OPTN: variants seen among roughly 807,000 people sequenced by gnomAD.
The protein encoded by OPTN is E3-14.7K-interacting protein.
Under a neutral mutation model 70.4 loss-of-function variants are expected in OPTN, and 54 were observed. The observed-to-expected ratio is 0.77, with a 90% CI of 0.62 to 0.96. The LOEUF (loss-of-function observed/expected upper bound fraction) is 0.96. Among genes scored for constraint, OPTN ranks in the 40% least tolerant of loss-of-function variants. The pLI, the probability that OPTN is intolerant of heterozygous loss-of-function variation, is 0.00. For synonymous variants in OPTN, 256 were observed against 248.5 expected (o/e 1.03, Z -0.28); for missense variants, 624 against 673.2 (o/e 0.93, Z 0.81).
chr10:13,112,039 G>A (rs541131290), intron 4 of OPTN, among the ~76,000 whole-genome samples: 132 of 151,478 alleles, frequency 8.7e-4, no homozygotes, highest in Non-Finnish European at 1.6e-3. Context: ...TAGTAGAGAC[G>A]GGGTTTCACT....
chr10:13,134,752 C>T (rs983034079), intron 14 of OPTN, among the ~76,000 whole-genome samples: 2 of 151,666 alleles, frequency 1.3e-5, no homozygotes, highest in Admixed American at 6.6e-5. Flanking sequence ...GTAGAGACAG[C>T]GTTTCACCAT....
At chr10:13,128,896 T>C (rs1833531769) in intron 12 of OPTN, among the ~76,000 whole-genome samples, 1 of 152,116 alleles carries the variant, frequency 6.6e-6, no homozygotes, top group South Asian at 2.1e-4. Context: ...TACAAGTCTT[T>C]GTCAGTTATT....
At chr10:13,101,441 G>A (rs1052558851) in intron 1 of OPTN, among the ~76,000 whole-genome samples, 1 of 117,172 alleles carries the variant, frequency 8.5e-6, no homozygotes, top group East Asian at 2.5e-4. Context: ...TTATTCTCGA[G>A]GGCAACTGGA....
chr10:13,114,717 T>C (rs1390656887), intron 5 of OPTN, among the ~76,000 whole-genome samples: 1 of 136,390 alleles, frequency 7.3e-6, no homozygotes, highest in Non-Finnish European at 1.5e-5. Flanking sequence ...TATAATATAT[T>C]CTATAATATA....
chr10:13,102,900 G>C, intron 1 of OPTN, among the ~76,000 whole-genome samples: 1 of 151,840 alleles, frequency 6.6e-6, no homozygotes, highest in East Asian at 1.9e-4. Context: ...CTGAGATTTT[G>C]CCACGGCACT....
chr10:13,114,812 A>AC (rs1564358854), intron 5 of OPTN, among the ~76,000 whole-genome samples: 2 of 8,180 alleles, frequency 2.4e-4, no homozygotes, highest in Non-Finnish European at 6.1e-4. Context: ...ACATATATAT[A>AC]ATTATATAAT....
At chr10:13,122,522 C>T (rs1474064398) in intron 8 of OPTN, 35 bp downstream of exon 8, 2 of 1,360,266 alleles carry the variant, frequency 1.5e-6, no homozygotes, top group Non-Finnish European at 2.1e-6. Flanking sequence ...CTACCACACC[C>T]ACACACACGA....
chr10:13,119,878 T>A (rs1212044781), intron 7 of OPTN, among the ~76,000 whole-genome samples: 2 of 152,260 alleles, frequency 1.3e-5, no homozygotes, highest in African/African-American at 2.4e-5. Flanking sequence ...TGCCCATTTT[T>A]AAAAATTGGG....
intron 7 of OPTN, among the ~76,000 whole-genome samples, chr10:13,120,210 G>C (rs1833315500): frequency 6.6e-6 from 1 of 151,234 alleles, no homozygotes; most frequent in African/African-American, 2.4e-5. Flanking sequence ...GGATGGTCTC[G>C]ATCTCCTGAC....
intron 10 of OPTN, 101 bp downstream of exon 10, chr10:13,125,668 TTC>T (rs1157471054): frequency 2.0e-6 from 3 of 1,477,428 alleles, no homozygotes; most frequent in Non-Finnish European, 1.9e-6. Context: ...TTTAAAAAAT[TTC>T]TTTTTCACTT....
chr10:13,137,428 T>G lies in OPTN; in HGVS notation c.*562T>G, dbSNP rs148646641. 7.0e-3 allele frequency: 1,619 copies of G among 232,890 alleles called. 10 individuals are homozygous for G. Among genetic ancestry groups the G allele is most frequent in the Non-Finnish European group, 0.011 (1,286 of 117,208 alleles). 14.4% of individuals were successfully genotyped at this position (232,890 alleles called of 1,614,324 possible). A position where few individuals can be genotyped will look rare whatever the true frequency, so the allele number is the denominator to read the frequency against. ...TCTTCTGATAATAATTTTAATATTT[T>G]TTATGTTTGGTTGATGCGAGCAGCT... On this transcript the variant is annotated 3_prime_UTR_variant, in exon 15 of 15. Coordinates refer to ENST00000378747, the MANE Select transcript of OPTN (RefSeq NM_001008212.2).
chr10:13,113,579 C>A (rs538161567), intron 5 of OPTN, among the ~76,000 whole-genome samples: 3 of 152,288 alleles, frequency 2.0e-5, no homozygotes, highest in East Asian at 3.9e-4. Flanking sequence ...TGAGAAGCAT[C>A]TGTTACAACT....
In OPTN at chr10:13,132,007, C is replaced by T; in HGVS notation, c.1402-60C>T. 3 of 1,558,510 alleles carry T rather than the reference C, an allele frequency of 1.9e-6. No individual in the cohort carries two copies. The South Asian group carries it at 3.4e-5, about 17-fold the overall frequency. On this transcript the variant is annotated intron_variant, in intron 12 of 14. Coordinates refer to ENST00000378747, the MANE Select transcript of OPTN (RefSeq NM_001008212.2). Reference sequence around the variant, plus strand: ...CAGCACTACCTCCTCATCGCATAAACACTGTAAGAATCTGCATTCATCTAG... The same window carrying T: ...CAGCACTACCTCCTCATCGCATAAATACTGTAAGAATCTGCATTCATCTAG...
chr10:13,133,474 C>T (rs776520262), intron 13 of OPTN, 28 bp from the exon 14 acceptor site: 1 of 1,606,256 alleles, frequency 6.2e-7, no homozygotes, highest in South Asian at 1.1e-5. Flanking sequence ...TAGAACATCA[C>T]ACAGCGTGTT....
intron 10 of OPTN, 79 bp downstream of exon 10, chr10:13,125,646 T>A: frequency 6.4e-7 from 1 of 1,561,944 alleles, no homozygotes; most frequent in Non-Finnish European, 8.8e-7. Context: ...GAATTCGGAT[T>A]TGAGAATAAA....
chr10:13,110,284 G>C lies in OPTN; in HGVS notation c.177G>C (p.Lys59Asn), dbSNP rs1487584331. Reference sequence around the variant, plus strand: ...CTGAACCTCCTGCAGAAGCCATGAAGCTAAATAATCAAGCCATGAAAGGGA... The same window carrying C: ...CTGAACCTCCTGCAGAAGCCATGAACCTAAATAATCAAGCCATGAAAGGGA... ...TENHQLKEAM[K>N]LNNQAMKGRF... The change falls in exon 4 of 15, where the codon AAG becomes AAC. Residue 59 changes from lysine to asparagine, a missense_variant. Transcript: ENST00000378747. The C allele has an allele frequency of 8.1e-6, 13 of 1,613,802 alleles. No homozygotes were observed. Among genetic ancestry groups the C allele is most frequent in the Non-Finnish European group, 1.1e-5 (13 of 1,179,986 alleles).
At chr10:13,135,283 G>A (rs113365968) in intron 14 of OPTN, among the ~76,000 whole-genome samples, 3,164 of 152,206 alleles carry the variant, frequency 0.021, 47 homozygotes, top group Non-Finnish European at 0.033. Flanking sequence ...ATGGATCCAG[G>A]ACCTAGCTAG....
At chr10:13,115,395 GAT>G (rs1833156303) in intron 5 of OPTN, among the ~76,000 whole-genome samples, 1 of 94,590 alleles carries the variant, frequency 1.1e-5, no homozygotes, top group Non-Finnish European at 1.9e-5. Flanking sequence ...TTTTATAATA[GAT>G]ATATCTGTAT....
At position 13,133,576 on chromosome 10, in the gene OPTN, A is replaced by T; in HGVS notation, c.1607A>T (p.Gln536Leu). 4 of 1,613,930 alleles carry T rather than the reference A, an allele frequency of 2.5e-6. No homozygotes were observed. Among genetic ancestry groups the T allele is most frequent in the Non-Finnish European group, 3.4e-6 (4 of 1,179,776 alleles). ...TCTGACCAGCAGGCTTACCTTGTTC[A>T]AAGAGGTGAGTCCCGTGTGATCCTG... ...SDSDQQAYLV[Q>L]RGAEDRDWRQ... Residue 536 changes from glutamine to leucine, a missense_variant, in exon 14 of 15, where the codon CAA (glutamine) becomes CTA (leucine). Gln to Leu is a moderately radical substitution (Grantham distance 113). Coordinates refer to ENST00000378747, the MANE Select transcript of OPTN (RefSeq NM_001008212.2).
Sources: allele counts gnomAD v4.1 joint callset (sites outside exome capture counted in the v4.1 genomes callset), GRCh38; gene constraint gnomAD v4.1.1; transcripts MANE v1.5; gene names NCBI Gene and HGNC (gene_info 2026-07-23, HGNC 2026-07-21).